The following RRP12 variants were observed in gnomAD, a reference collection of about 807,000 sequenced individuals.
RRP12 encodes RRP12-like protein.
Under a neutral mutation model 157.3 loss-of-function variants are expected in RRP12, and 78 were observed. The observed-to-expected ratio is 0.50, with a 90% confidence interval of 0.41 to 0.60. RRP12 has a LOEUF of 0.60. Among genes scored for constraint, RRP12 ranks in the 20% least tolerant of loss-of-function variants. The probability of loss-of-function intolerance (pLI) is 0.00; values close to 1 mark genes in which losing one functional copy is unlikely to be tolerated. For missense variants in RRP12, 1,521 were observed against 1,679.9 expected (o/e 0.91, Z 1.65); for synonymous variants, 726 against 670.9 (o/e 1.08, Z -1.27).
rs748560532 is a variant in RRP12, at chr10:97,373,910, G to T, written c.1799-16C>A. 4 of 1,610,978 alleles carry T rather than the reference G, an allele frequency of 2.5e-6. No individual in the cohort carries two copies. The highest frequency in any genetic ancestry group is 1.3e-5 in the African/African-American group (1 of 74,868). On this transcript the variant is annotated splice_polypyrimidine_tract_variant and intron_variant, in intron 15 of 33. Coordinates refer to ENST00000370992, the MANE Select transcript of RRP12 (RefSeq NM_015179.4). ...AGGTCCATGGCTGCAGTGTGACAGA[G>T]GGACAGAGTGTGAGCCCAGCACCCT...
At chr10:97,386,609 A>C (rs1023234612) in intron 8 of RRP12, among the ~76,000 whole-genome samples, 4 of 152,108 alleles carry the variant, frequency 2.6e-5, no homozygotes, top group Admixed American at 2.6e-4. Context: ...TACTTTATAC[A>C]CTTCTGAATT....
Position 97,372,177 on chromosome 10 carries a change from C to A in RRP12, c.2250-11G>T, listed in dbSNP as rs200084935. 576 of 1,610,038 alleles carry A rather than the reference C, an allele frequency of 3.6e-4. 2 individuals carry two copies. In the African/African-American group the frequency reaches 6.8e-3, roughly 19 times the overall value. ...TCCAGGACAGACAATCTGCTCGGGGCAGGAGGACAAGGAGAGGGATGGGGA... is the reference window on the plus strand; with the variant it reads ...TCCAGGACAGACAATCTGCTCGGGGAAGGAGGACAAGGAGAGGGATGGGGA... On this transcript the variant is annotated splice_polypyrimidine_tract_variant and intron_variant, in intron 19 of 33. Transcript: ENST00000370992.
chr10:97,394,669 C>T (rs1315077131), intron 3 of RRP12, among the ~76,000 whole-genome samples: 3 of 152,300 alleles, frequency 2.0e-5, no homozygotes, highest in South Asian at 2.1e-4. Context: ...GGATTAAAGG[C>T]GTGAGCCACC....
chr10:97,390,937 C>G, intron 4 of RRP12, 93 bp from the exon 5 acceptor site: 1 of 815,256 alleles, frequency 1.2e-6, no homozygotes, highest in South Asian at 1.4e-5. Flanking sequence ...GGGCAAGGGG[C>G]GCTGGTGGCA....
At position 97,401,117 on chromosome 10, in the gene RRP12, T is replaced by A; in HGVS notation, c.115A>T (p.Ser39Cys). 6.2e-7 allele frequency: 1 copy of A among 1,613,710 alleles called. No homozygotes were observed. Reference protein sequence around the residue: ...AICRHRQAARSRFFSRPSGRS... With the variant: ...AICRHRQAARCRFFSRPSGRS... Reference sequence around the variant, plus strand: ...CCTGACGGCCGGCTGAAGAAGCGGCTGCGGGCGGCCTGACGGTGGCGGCAG... The same window carrying A: ...CCTGACGGCCGGCTGAAGAAGCGGCAGCGGGCGGCCTGACGGTGGCGGCAG... Residue 39 changes from serine (S) to cysteine (C), a missense_variant, in exon 1 of 34, where the codon AGC becomes TGC. Ser to Cys is a moderately radical substitution (Grantham distance 112). Transcript: ENST00000370992.
intron 15 of RRP12, among the ~76,000 whole-genome samples, chr10:97,376,362 G>A (rs768655332): frequency 1.9e-4 from 29 of 151,204 alleles, no homozygotes; most frequent in East Asian, 2.0e-4. Flanking sequence ...TTACAGGTGC[G>A]TGCCACCATG....
chr10:97,373,063 T>G lies in RRP12; in HGVS notation c.2164A>C (p.Thr722Pro). The stretch of plus-strand genomic sequence containing the variant: ...TGGCTCACCTGAGTGTCAGTGATGG[T>G]GAGGTAAGTTCTGATGGTTTCCAGC... ...AVLETIRTYL[T>P]ITDTQLVNSL... The change falls in exon 18 of 34, where the codon ACC becomes CCC. Residue 722 changes from threonine to proline, a missense_variant. Transcript: ENST00000370992. The G allele has an allele frequency of 6.2e-7, 1 of 1,612,420 alleles. No individual in the cohort carries two copies. The highest frequency in any genetic ancestry group is 8.5e-7 in the Non-Finnish European group (1 of 1,179,058).
At position 97,370,772 on chromosome 10, in the gene RRP12, T is replaced by C; in HGVS notation, c.2527A>G (p.Ile843Val). Residue 843 changes from isoleucine (I) to valine (V), a missense_variant, in exon 22 of 34, where the codon ATC becomes GTC. Coordinates refer to ENST00000370992, the MANE Select transcript of RRP12 (RefSeq NM_015179.4). Reference sequence around the variant, plus strand: ...TGTTCAGCTGAGAGCTTCCTCACGATGTGTAGGAGGCACTTCAAACGGGGC... The same window carrying C: ...TGTTCAGCTGAGAGCTTCCTCACGACGTGTAGGAGGCACTTCAAACGGGGC... ...KRPRLKCLLH[I>V]VRKLSAEHKE... 3 of 1,614,024 alleles carry C rather than the reference T, an allele frequency of 1.9e-6. No individual in the cohort carries two copies. Among genetic ancestry groups the C allele is most frequent in the Non-Finnish European group, 2.5e-6 (3 of 1,179,974 alleles).
Position 97,401,240 on chromosome 10 carries a change from A to C in RRP12, c.-9T>G. ...TTTCCCGAGCGACCCATGTTGACTA[A>C]GCCGTGGCGAGGAATGAGCTTAAAT... On this transcript the variant is annotated 5_prime_UTR_variant, in exon 1 of 34. Transcript: ENST00000370992. The C allele has an allele frequency of 6.2e-7, 1 of 1,614,014 alleles. No individual in the cohort carries two copies. The highest frequency in any genetic ancestry group is 8.5e-7 in the Non-Finnish European group (1 of 1,179,964).
intron 8 of RRP12, chr10:97,387,984 T>G: frequency 2.7e-6 from 1 of 376,348 alleles, no homozygotes. Flanking sequence ...ATAGGGTACA[T>G]AGAGCTGGTG....
Position 97,390,552 on chromosome 10 carries a change from C to T in RRP12, c.637-13G>A, listed in dbSNP as rs556573301. 1.3e-6 allele frequency: 2 copies of T among 1,592,680 alleles called. No homozygotes were observed. The highest frequency in any genetic ancestry group is 1.7e-6 in the Non-Finnish European group (2 of 1,161,280). On this transcript the variant is annotated splice_polypyrimidine_tract_variant and intron_variant, in intron 5 of 33. Coordinates refer to ENST00000370992, the MANE Select transcript of RRP12 (RefSeq NM_015179.4). ...GGCAGGAAAGGACCTGGAAGAAAGT[C>T]AGAGTCCCTCAGTGCCACCAGCCTC...
intron 15 of RRP12, among the ~76,000 whole-genome samples, chr10:97,377,005 G>A (rs1844328566): frequency 6.6e-6 from 1 of 150,378 alleles, no homozygotes; most frequent in South Asian, 2.1e-4. Flanking sequence ...TCAGCCTCCC[G>A]AGTAGGTGGG....
chr10:97,395,475 C>G (rs1418531418), intron 3 of RRP12, among the ~76,000 whole-genome samples: 1 of 151,528 alleles, frequency 6.6e-6, no homozygotes, highest in Non-Finnish European at 1.5e-5. Context: ...TTGCTTGATA[C>G]CATGAGACAG....
chr10:97,365,462 A>G (rs1214125364), intron 29 of RRP12, among the ~76,000 whole-genome samples: 1 of 151,850 alleles, frequency 6.6e-6, no homozygotes, highest in Non-Finnish European at 1.5e-5. Context: ...TTCAGTAGAG[A>G]TGGGTTTTAA....
rs752991400 is a variant in RRP12 at position 97,390,482 on chromosome 10, G to T, written c.694C>A (p.Pro232Thr). 1 of 1,614,152 alleles carries T rather than the reference G, an allele frequency of 6.2e-7. No homozygotes were observed. Residue 232 changes from proline to threonine, a missense_variant, in exon 6 of 34, where the codon CCC (proline) becomes ACC (threonine). Physicochemically the swap from Pro to Thr is conservative, Grantham distance 38. Coordinates refer to ENST00000370992, the MANE Select transcript of RRP12 (RefSeq NM_015179.4). ...RKQDLEAWGY[P>T]VTLQVYHGLL... is the part of the protein sequence containing the mutation. ...CCATGGTACACCTGAAGGGTCACGG[G>T]GTAGCCCCAGGCCTCCAGGTCTTGC... is the stretch of plus-strand genomic sequence containing the variant.
Position 97,360,528 on chromosome 10 carries a change from G to C in RRP12, c.3640+18C>G. On this transcript the variant is annotated intron_variant, in intron 31 of 33. Coordinates refer to ENST00000370992, the MANE Select transcript of RRP12 (RefSeq NM_015179.4). ...ACAGGGATCCATGTGTCCCAGGAGA[G>C]AGGAGTGGAAGCCTCACCTTGGTAC... 1 of 1,592,994 alleles carries C rather than the reference G, an allele frequency of 6.3e-7. No individual in the cohort carries two copies. The highest frequency in any genetic ancestry group is 8.6e-7 in the Non-Finnish European group (1 of 1,160,942).
Position 97,366,559 on chromosome 10 carries a change from C to T in RRP12, c.3278G>A (p.Arg1093Gln). 6.2e-7 allele frequency: 1 copy of T among 1,614,128 alleles called. No homozygotes were observed. Among genetic ancestry groups the T allele is most frequent in the African/African-American group, 1.3e-5 (1 of 75,066 alleles). The change falls in exon 28 of 34, where the codon CGA becomes CAA. Residue 1093 changes from arginine to glutamine, a missense_variant. Transcript: ENST00000370992. ...EEDNEEEERS[R>Q]GKEQRKLARQ... ...TGCCAGCTTCCGCTGCTCCTTGCCT[C>T]GGCTTCTTTCCTCCTCCTCATTGTC...
Position 97,373,882 on chromosome 10 carries a change from G to C in RRP12, c.1811C>G (p.Ala604Gly), listed in dbSNP as rs369127861. The C allele has an allele frequency of 4.3e-6, 7 of 1,613,224 alleles. No individual in the cohort carries two copies. The African/African-American group carries it at 9.3e-5, about 22-fold the overall frequency. The part of the protein sequence containing the change: ...NTLKSKAMDL[A>G]QAGSTVESKI... ...AGATTCCACTGTGCTGCCTGCCTGA[G>C]CCAGGTCCATGGCTGCAGTGTGACA... Residue 604 changes from alanine (A) to glycine (G), a missense_variant, in exon 16 of 34, where the codon GCT becomes GGT. Coordinates refer to ENST00000370992, the MANE Select transcript of RRP12 (RefSeq NM_015179.4).
Position 97,366,830 on chromosome 10 carries a change from T to C in RRP12, c.3127A>G (p.Lys1043Glu), listed in dbSNP as rs1442772137. Reference protein sequence around the residue: ...VNIRKAEARAKRHRALSQAAV... With the variant: ...VNIRKAEARAERHRALSQAAV... The stretch of plus-strand genomic sequence containing the variant: ...GCCTGGCTCAGGGCTCGGTGCCTCT[T>C]GGCCCGGGCCTCAGCTTTCCGGATG... Residue 1043 changes from lysine (K) to glutamate (E), a missense_variant, in exon 27 of 34, where the codon AAG becomes GAG. Transcript: ENST00000370992. The C allele has an allele frequency of 1.1e-5, 17 of 1,614,200 alleles. No individual in the cohort carries two copies. The highest frequency in any genetic ancestry group is 1.3e-5 in the Non-Finnish European group (15 of 1,180,030).
Sources: allele counts gnomAD v4.1 joint callset (sites outside exome capture counted in the v4.1 genomes callset), GRCh38; gene constraint gnomAD v4.1.1; transcripts MANE v1.5; gene names NCBI Gene and HGNC (gene_info 2026-07-23, HGNC 2026-07-21).